KCNAB1: variants seen among roughly 807,000 people sequenced by gnomAD.
KCNAB1 encodes the protein potassium voltage-gated channel subfamily A regulatory beta subunit 1.
In KCNAB1, 35 loss-of-function variants were observed where a neutral mutation model predicts 64.6. The ratio of observed to expected loss-of-function variants is 0.54; its 90% CI spans 0.41 to 0.72. The LOEUF (loss-of-function observed/expected upper bound fraction) is 0.72. Ranked by LOEUF, KCNAB1 falls within the 30% of genes least tolerant of loss-of-function variation. The probability of loss-of-function intolerance (pLI) is 0.00; values close to 1 mark genes in which losing one functional copy is unlikely to be tolerated. For synonymous variants in KCNAB1, 177 were observed against 183.8 expected (o/e 0.96, Z 0.30); for missense variants, 401 against 512.9 (o/e 0.78, Z 2.11).
chr3:156,261,227 A>G (rs1206718256), intron 1 of KCNAB1, among the ~76,000 whole-genome samples: 1 of 152,052 alleles, frequency 6.6e-6, no homozygotes, highest in African/African-American at 2.4e-5. Context: ...GTTTTACTTA[A>G]AGTAAAATAA....
chr3:156,439,823 C>T (rs1178765664), intron 2 of KCNAB1, among the ~76,000 whole-genome samples: 1 of 152,198 alleles, frequency 6.6e-6, no homozygotes, highest in African/African-American at 2.4e-5. Flanking sequence ...CAAATGCAAG[C>T]TTTATTCTAC....
At chr3:156,126,001 T>C (rs1278181757) in intron 1 of KCNAB1, among the ~76,000 whole-genome samples, 1 of 152,190 alleles carries the variant, frequency 6.6e-6, no homozygotes, top group Non-Finnish European at 1.5e-5. Flanking sequence ...AAGATGAAAC[T>C]AGAAAAGATT....
chr3:156,257,999 A>G (rs940955817), intron 1 of KCNAB1, among the ~76,000 whole-genome samples: 1 of 152,196 alleles, frequency 6.6e-6, no homozygotes, highest in Non-Finnish European at 1.5e-5. Flanking sequence ...TGACTTTCCA[A>G]CTTATTCTCA....
chr3:156,264,703 C>T (rs1487659266), intron 1 of KCNAB1, among the ~76,000 whole-genome samples: 1 of 152,042 alleles, frequency 6.6e-6, no homozygotes, highest in Non-Finnish European at 1.5e-5. Context: ...TATATATACA[C>T]ACATACATAC....
chr3:156,134,281 T>C (rs1307152478), intron 1 of KCNAB1, among the ~76,000 whole-genome samples: 5 of 152,224 alleles, frequency 3.3e-5, no homozygotes, highest in African/African-American at 1.2e-4. Context: ...GCTTCTGAAA[T>C]TTTTCTTCCT....
chr3:156,220,796 C>T (rs528153768), intron 1 of KCNAB1, among the ~76,000 whole-genome samples: 28 of 152,276 alleles, frequency 1.8e-4, no homozygotes, highest in Admixed American at 1.6e-3. Flanking sequence ...TTGCCCATGC[C>T]TATGTCCTGA....
Position 156,474,810 on chromosome 3 carries a change from TC to T in KCNAB1, c.651del (p.Met218TrpfsTer8). 1 of 1,612,074 alleles carries T rather than the reference TC, an allele frequency of 6.2e-7. No individual in the cohort carries two copies. Among genetic ancestry groups the T allele is most frequent in the East Asian group, 2.2e-5 (1 of 44,830 alleles). On this transcript the variant is annotated frameshift_variant, in exon 8 of 14. Coordinates refer to ENST00000490337, the MANE Select transcript of KCNAB1 (RefSeq NM_172160.3). LOFTEE classifies it high-confidence loss of function. ...TTGCAAATCGACCGGACAGTAACAC[TC>T]CCATGGAAGGTAAGTTAAGAAAGCT... ...VFANRPDSNTPMEEIVRAMTH... is the reference protein window; with the variant it reads ...VFANRPDSNTXMEEIVRAMTH...
chr3:156,278,113 A>G (rs1719453781), intron 1 of KCNAB1, among the ~76,000 whole-genome samples: 1 of 152,186 alleles, frequency 6.6e-6, no homozygotes, highest in South Asian at 2.1e-4. Context: ...TCAAAAATGA[A>G]TGGAATAAAA....
At chr3:156,430,234 C>T (rs1468061176) in intron 2 of KCNAB1, among the ~76,000 whole-genome samples, 4 of 152,184 alleles carry the variant, frequency 2.6e-5, no homozygotes, top group Non-Finnish European at 5.9e-5. Flanking sequence ...TAATATTTCA[C>T]ACGCTGTCAG....
chr3:156,328,117 A>G (rs1045011041), intron 1 of KCNAB1, among the ~76,000 whole-genome samples: 3 of 152,150 alleles, frequency 2.0e-5, no homozygotes, highest in Non-Finnish European at 4.4e-5. Flanking sequence ...AACAACATGG[A>G]CAAAGAAACA....
chr3:156,524,746 CAAAAAAAAAAAAAAA>C (rs10553136), intron 12 of KCNAB1, among the ~76,000 whole-genome samples: 1 of 74,436 alleles, frequency 1.3e-5, no homozygotes, highest in Non-Finnish European at 2.3e-5. Flanking sequence ...GACTCCATCT[CAAAAAAAAAAAAAAA>C]AAAAAAAAAA....
chr3:156,255,986 T>C (rs2108471505), intron 1 of KCNAB1, among the ~76,000 whole-genome samples: 1 of 152,306 alleles, frequency 6.6e-6, no homozygotes, highest in East Asian at 1.9e-4. Context: ...GCGCCCAGAG[T>C]GCGGTAGGTG....
intron 7 of KCNAB1, among the ~76,000 whole-genome samples, chr3:156,467,316 T>A (rs1460497086): frequency 6.6e-6 from 1 of 152,132 alleles, no homozygotes; most frequent in Non-Finnish European, 1.5e-5. Flanking sequence ...AGTTGTGAAC[T>A]ATCTGTATTT....
chr3:156,292,163 C>T (rs1454259009), intron 1 of KCNAB1: 1 of 1,608,908 alleles, frequency 6.2e-7, no homozygotes, highest in Admixed American at 1.7e-5. Flanking sequence ...GCGGGGTATC[C>T]AGGTTCTATA....
intron 1 of KCNAB1, chr3:156,176,989 C>G (rs1279355766): frequency 3.0e-5 from 19 of 640,360 alleles, no homozygotes; most frequent in Non-Finnish European, 8.3e-6. Flanking sequence ...GTGGAGCTCT[C>G]CCATCCCTCA....
chr3:156,459,982 T>A, intron 5 of KCNAB1, 111 bp downstream of exon 5: 1 of 727,656 alleles, frequency 1.4e-6, no homozygotes. Context: ...AAAAATCAAC[T>A]GTTTTTAAAG....
intron 1 of KCNAB1, among the ~76,000 whole-genome samples, chr3:156,353,151 A>T (rs1401853226): frequency 1.3e-5 from 2 of 152,264 alleles, no homozygotes; most frequent in African/African-American, 4.8e-5. Context: ...AAATCTGTGC[A>T]TTCAGTGACA....
chr3:156,258,554 T>C (rs1718237138), intron 1 of KCNAB1, among the ~76,000 whole-genome samples: 1 of 152,214 alleles, frequency 6.6e-6, no homozygotes, highest in African/African-American at 2.4e-5. Context: ...CCAATTCTCC[T>C]TGGTCCTGTT....
intron 1 of KCNAB1, among the ~76,000 whole-genome samples, chr3:156,249,405 C>T (rs1341361707): frequency 2.6e-5 from 4 of 151,832 alleles, no homozygotes; most frequent in African/African-American, 9.7e-5. Flanking sequence ...AACCCTGTCT[C>T]TACTAAAAAT....
Sources: gnomAD v4.1 joint callset for allele counts (sites outside exome capture counted in the v4.1 genomes callset) on GRCh38, gnomAD v4.1.1 for gene constraint, MANE v1.5 for transcripts, NCBI Gene and HGNC (gene_info 2026-07-23, HGNC 2026-07-21) for gene names.